Variants in DLGAP1 observed in about 807,000 individuals in gnomAD.
DLGAP1 encodes DLG associated protein 1.
DLGAP1 carries 11 observed loss-of-function variants against 90.8 expected under a neutral mutation model. The observed-to-expected ratio is 0.12, with a 90% CI of 0.08 to 0.20. The LOEUF is 0.20. Among genes scored for constraint, DLGAP1 ranks in the 10% least tolerant of loss-of-function variants. DLGAP1 has a pLI of 1.00. For synonymous variants in DLGAP1, 558 were observed against 540.7 expected (o/e 1.03, Z -0.44); for missense variants, 1,050 against 1,333.8 (o/e 0.79, Z 3.31).
At chr18:3,969,576 C>T (rs1471634800) in intron 3 of DLGAP1, among the ~76,000 whole-genome samples, 1 of 152,064 alleles carries the variant, frequency 6.6e-6, no homozygotes, top group Non-Finnish European at 1.5e-5. Flanking sequence ...GTAGAAGTAC[C>T]TGTCCTTGCA....
chr18:3,831,874 G>T (rs1225335611), intron 4 of DLGAP1, among the ~76,000 whole-genome samples: 1 of 152,212 alleles, frequency 6.6e-6, no homozygotes, highest in East Asian at 1.9e-4. Context: ...GTATAGGAGG[G>T]ACTCAGCCTT....
intron 3 of DLGAP1, among the ~76,000 whole-genome samples, chr18:3,990,196 C>T (rs1440981549): frequency 3.3e-5 from 5 of 151,890 alleles, no homozygotes; most frequent in East Asian, 1.9e-4. Context: ...ATGTTTATTG[C>T]GGCACTATTC....
At chr18:4,249,020 T>C (rs75250064) in intron 1 of DLGAP1, among the ~76,000 whole-genome samples, 10,143 of 152,294 alleles carry the variant, frequency 0.067, 464 homozygotes, top group Non-Finnish European at 0.098. Flanking sequence ...TCTATTTATG[T>C]CTCTATGCAA....
chr18:3,763,853 G>T (rs1287489650), intron 5 of DLGAP1, among the ~76,000 whole-genome samples: 1 of 151,872 alleles, frequency 6.6e-6, no homozygotes, highest in East Asian at 1.9e-4. Flanking sequence ...GTACAGATGG[G>T]GTTTCACCAC....
chr18:3,863,175 A>T (rs114283839), intron 4 of DLGAP1, among the ~76,000 whole-genome samples: 201 of 152,328 alleles, frequency 1.3e-3, no homozygotes, highest in African/African-American at 4.5e-3. Context: ...TCAAACTTTA[A>T]TTCATTGAAA....
At chr18:4,424,556 A>G (rs1444915530) in intron 1 of DLGAP1, among the ~76,000 whole-genome samples, 1 of 152,202 alleles carries the variant, frequency 6.6e-6, no homozygotes, top group African/African-American at 2.4e-5. Flanking sequence ...ACTTTCAAGG[A>G]TAAAATTAGT....
intron 1 of DLGAP1, among the ~76,000 whole-genome samples, chr18:4,265,357 G>T (rs2079088622): frequency 6.6e-6 from 1 of 151,780 alleles, no homozygotes; most frequent in Non-Finnish European, 1.5e-5. Flanking sequence ...TTTTAGTAGA[G>T]ACCGGGTTTC....
intron 1 of DLGAP1, among the ~76,000 whole-genome samples, chr18:4,272,762 A>C (rs1225970478): frequency 1.3e-5 from 2 of 152,206 alleles, no homozygotes; most frequent in Non-Finnish European, 2.9e-5. Flanking sequence ...TCAAGTGCTA[A>C]CCCTTGAAAC....
At chr18:3,842,344 T>C (rs2148640149) in intron 4 of DLGAP1, among the ~76,000 whole-genome samples, 1 of 152,292 alleles carries the variant, frequency 6.6e-6, no homozygotes, top group East Asian at 1.9e-4. Context: ...AGTTTGGACT[T>C]TATCCCAAGG....
intron 2 of DLGAP1, among the ~76,000 whole-genome samples, chr18:4,101,270 T>C (rs1322148201): frequency 6.6e-6 from 1 of 152,184 alleles, no homozygotes; most frequent in Non-Finnish European, 1.5e-5. Flanking sequence ...TCAGTATTGC[T>C]GTGTCTCCGG....
intron 1 of DLGAP1, among the ~76,000 whole-genome samples, chr18:4,159,505 T>G (rs1436392152): frequency 6.6e-6 from 1 of 152,170 alleles, no homozygotes; most frequent in Admixed American, 6.5e-5. Flanking sequence ...AAATTAAGCT[T>G]CTTCTCTGTA....
At chr18:3,500,411 T>A (rs920827136) in intron 12 of DLGAP1, among the ~76,000 whole-genome samples, 7 of 152,322 alleles carry the variant, frequency 4.6e-5, no homozygotes, top group African/African-American at 1.7e-4. Flanking sequence ...TCTCATAAAA[T>A]GAAGCGTGAA....
In DLGAP1 at chr18:3,899,162, T is replaced by C. The variant is rs568096068; in HGVS notation, c.-72-19022A>G. ...TAAGGAGGGGGAAATGAGCCCACAA[T>C]GAACACTTCACTGGGTGGCATCCTA... On this transcript the variant is annotated intron_variant, in intron 3 of 12. Coordinates refer to ENST00000315677, the MANE Select transcript of DLGAP1 (RefSeq NM_004746.4). Among the ~76,000 whole-genome samples, 23 of 152,302 alleles carry C rather than the reference T, an allele frequency of 1.5e-4. No homozygotes were observed. In the South Asian group the frequency reaches 1.7e-3, roughly 11 times the overall value.
intron 7 of DLGAP1, among the ~76,000 whole-genome samples, chr18:3,713,446 A>C (rs574346349): frequency 6.6e-6 from 1 of 152,336 alleles, no homozygotes; most frequent in South Asian, 2.1e-4. Context: ...AGATTTGTGC[A>C]TGTGGGGGAG....
intron 8 of DLGAP1, among the ~76,000 whole-genome samples, chr18:3,575,135 CT>C (rs531348157): frequency 1.1e-3 from 173 of 152,196 alleles, no homozygotes; most frequent in Middle Eastern, 3.4e-3. Context: ...TCAAAGCTTT[CT>C]TTCAAATAGT....
At chr18:4,113,076 A>G (rs1378043661) in intron 2 of DLGAP1, among the ~76,000 whole-genome samples, 1 of 111,058 alleles carries the variant, frequency 9.0e-6, no homozygotes, top group Non-Finnish European at 1.8e-5. Flanking sequence ...GAACATATGA[A>G]CACGTGTCTT....
chr18:3,872,429 A>G (rs1347668683), intron 4 of DLGAP1, among the ~76,000 whole-genome samples: 1 of 152,110 alleles, frequency 6.6e-6, no homozygotes, highest in Non-Finnish European at 1.5e-5. Context: ...AAAAAAAATT[A>G]ATGCAATTAC....
intron 7 of DLGAP1, among the ~76,000 whole-genome samples, chr18:3,684,942 T>C (rs1390905565): frequency 6.6e-6 from 1 of 152,210 alleles, no homozygotes; most frequent in Non-Finnish European, 1.5e-5. Flanking sequence ...ATTGTTCAAA[T>C]GAAAAGCTGA....
chr18:4,093,230 T>C (rs1208097257), intron 2 of DLGAP1, among the ~76,000 whole-genome samples: 1 of 152,168 alleles, frequency 6.6e-6, no homozygotes, highest in South Asian at 2.1e-4. Flanking sequence ...ACATTACAAC[T>C]ATTGAATAAG....
Sources: gnomAD v4.1 joint callset for allele counts (sites outside exome capture counted in the v4.1 genomes callset) on GRCh38, gnomAD v4.1.1 for gene constraint, MANE v1.5 for transcripts, NCBI Gene and HGNC (gene_info 2026-07-23, HGNC 2026-07-21) for gene names.